Variants in SPOCK1 observed in about 807,000 individuals in gnomAD.
SPOCK1 encodes testican-1.
In SPOCK1, 23 loss-of-function variants were observed where a neutral mutation model predicts 55.3. The observed-to-expected ratio is 0.42, with a 90% CI of 0.30 to 0.59. The LOEUF (loss-of-function observed/expected upper bound fraction) is 0.59, where lower values mean the gene tolerates loss of function less well. SPOCK1 is among the 20% of genes least tolerant of loss of function. SPOCK1 has a pLI of 0.22. For synonymous variants in SPOCK1, 226 were observed against 221.0 expected, an observed-to-expected ratio of 1.02 and a Z score of -0.20; for missense variants, 499 against 552.5, an observed-to-expected ratio of 0.90 and a Z score of 0.97.
intron 3 of SPOCK1, among the ~76,000 whole-genome samples, chr5:137,197,980 G>A (rs1755336050): frequency 1.3e-5 from 2 of 152,128 alleles, no homozygotes; most frequent in Non-Finnish European, 1.5e-5. Context: ...ACAAAAATAA[G>A]AAAGGCAAAT....
chr5:137,347,286 CAG>C (rs1463283386), intron 2 of SPOCK1, among the ~76,000 whole-genome samples: 1 of 152,240 alleles, frequency 6.6e-6, no homozygotes, highest in African/African-American at 2.4e-5. Context: ...ATGTTGCCCC[CAG>C]TGCTCTGAGC....
chr5:137,080,506 T>C (rs555874476), intron 5 of SPOCK1, among the ~76,000 whole-genome samples: 1 of 152,254 alleles, frequency 6.6e-6, no homozygotes, highest in East Asian at 1.9e-4. Flanking sequence ...ACCAAGGTAG[T>C]GCACACTCAG....
At chr5:136,992,931 T>C (rs1216170259) in intron 6 of SPOCK1, 2 of 206,310 alleles carry the variant, frequency 9.7e-6, no homozygotes, top group Non-Finnish European at 9.6e-6. Context: ...CGCATAAAGC[T>C]TGCTCTTGCA....
chr5:137,169,802 G>GC (rs1300415022), intron 3 of SPOCK1, among the ~76,000 whole-genome samples: 1 of 152,164 alleles, frequency 6.6e-6, no homozygotes, highest in Non-Finnish European at 1.5e-5. Flanking sequence ...TTTGACCACT[G>GC]CCCCAGAGCA....
chr5:137,039,356 C>G (rs1000178848), intron 6 of SPOCK1, among the ~76,000 whole-genome samples: 1 of 134,700 alleles, frequency 7.4e-6, no homozygotes, highest in African/African-American at 2.7e-5. Flanking sequence ...CAGAGGTGAA[C>G]TTGAGACGTG....
intron 6 of SPOCK1, among the ~76,000 whole-genome samples, chr5:137,038,657 T>C (rs1321984006): frequency 6.6e-6 from 1 of 152,216 alleles, no homozygotes; most frequent in African/African-American, 2.4e-5. Flanking sequence ...TATAGAAATA[T>C]ATTTTTTGTG....
At chr5:137,305,092 C>T (rs529927664) in intron 2 of SPOCK1, among the ~76,000 whole-genome samples, 34 of 152,302 alleles carry the variant, frequency 2.2e-4, no homozygotes, top group Non-Finnish European at 3.4e-4. Context: ...GCTTCAATTA[C>T]ACTCATCATT....
chr5:137,266,189 G>A (rs953535140), intron 3 of SPOCK1, among the ~76,000 whole-genome samples: 13 of 152,056 alleles, frequency 8.5e-5, no homozygotes, highest in African/African-American at 3.1e-4. Flanking sequence ...TGATCACATC[G>A]AATACTCACA....
chr5:137,221,409 T>C (rs1276812194), intron 3 of SPOCK1, among the ~76,000 whole-genome samples: 1 of 152,310 alleles, frequency 6.6e-6, no homozygotes, highest in East Asian at 1.9e-4. Flanking sequence ...GCAATATATA[T>C]GACACACAGA....
intron 3 of SPOCK1, among the ~76,000 whole-genome samples, chr5:137,250,787 G>A (rs938797047): frequency 6.6e-6 from 1 of 152,194 alleles, no homozygotes; most frequent in Non-Finnish European, 1.5e-5. Flanking sequence ...ACTAGTCCAC[G>A]AAGATCAGAG....
chr5:137,406,036 T>G (rs1013983862), intron 2 of SPOCK1, among the ~76,000 whole-genome samples: 4 of 152,218 alleles, frequency 2.6e-5, no homozygotes, highest in Admixed American at 6.5e-5. Context: ...GCTGTGGCTC[T>G]CCAGGTTGCT....
chr5:136,983,895 G>T (rs1216533640), intron 9 of SPOCK1, among the ~76,000 whole-genome samples: 1 of 152,174 alleles, frequency 6.6e-6, no homozygotes, highest in Non-Finnish European at 1.5e-5. Context: ...CATGTGCACT[G>T]GGGTAAATGA....
intron 6 of SPOCK1, among the ~76,000 whole-genome samples, chr5:137,024,182 T>C (rs993074013): frequency 6.6e-6 from 1 of 151,956 alleles, no homozygotes; most frequent in African/African-American, 2.4e-5. Context: ...GCAGCACAGG[T>C]ACTGCTACTC....
At chr5:137,172,304 A>G (rs1032499160) in intron 3 of SPOCK1, among the ~76,000 whole-genome samples, 1 of 152,166 alleles carries the variant, frequency 6.6e-6, no homozygotes, top group East Asian at 1.9e-4. Flanking sequence ...TCATTTTGAT[A>G]CCTCAGTGAT....
intron 3 of SPOCK1, among the ~76,000 whole-genome samples, chr5:137,176,096 TG>T (rs1360457974): frequency 2.0e-5 from 3 of 152,154 alleles, no homozygotes; most frequent in African/African-American, 7.2e-5. Context: ...ATCTTCCTAA[TG>T]ACTGAATTAA....
intron 3 of SPOCK1, among the ~76,000 whole-genome samples, chr5:137,156,285 G>A (rs1420406815): frequency 6.6e-6 from 1 of 152,050 alleles, no homozygotes; most frequent in Non-Finnish European, 1.5e-5. Context: ...CTGCTGTCCT[G>A]GCTTCCAAGG....
chr5:137,060,095 T>C (rs769414555), intron 6 of SPOCK1, among the ~76,000 whole-genome samples: 2 of 152,236 alleles, frequency 1.3e-5, no homozygotes, highest in Non-Finnish European at 2.9e-5. Flanking sequence ...ATCCCATTAT[T>C]GGGTATTTAC....
chr5:137,389,306 T>A (rs766937361), intron 2 of SPOCK1, among the ~76,000 whole-genome samples: 4 of 152,192 alleles, frequency 2.6e-5, no homozygotes, highest in Non-Finnish European at 5.9e-5. Context: ...TGTCCTCTGT[T>A]GAGGACTGCC....
At chr5:137,016,507 C>G (rs1751450148) in intron 6 of SPOCK1, among the ~76,000 whole-genome samples, 2 of 152,082 alleles carry the variant, frequency 1.3e-5, no homozygotes, top group African/African-American at 4.8e-5. Context: ...AATCCTATAC[C>G]AAACAATAAA....
Sources: allele counts gnomAD v4.1 joint callset (sites outside exome capture counted in the v4.1 genomes callset), GRCh38; gene constraint gnomAD v4.1.1; transcripts MANE v1.5; gene names NCBI Gene and HGNC (gene_info 2026-07-23, HGNC 2026-07-21).